Variants in PLPP1 observed in about 807,000 individuals in gnomAD.
PLPP1 encodes phospholipid phosphatase 1.
PLPP1 carries 24 observed loss-of-function variants against 31.2 expected under a neutral mutation model. The observed-to-expected ratio is 0.77, with a 90% confidence interval of 0.56 to 1.08. PLPP1 has a LOEUF of 1.08. PLPP1 is among the 50% of genes least tolerant of loss of function. The pLI is 0.00. For synonymous variants in PLPP1, 146 were observed against 126.3 expected, an observed-to-expected ratio of 1.16 and a Z score of -1.05; for missense variants, 319 against 342.7, an observed-to-expected ratio of 0.93 and a Z score of 0.55.
chr5:55,486,150 T>C (rs190506442), intron 1 of PLPP1, among the ~76,000 whole-genome samples: 3 of 152,216 alleles, frequency 2.0e-5, no homozygotes, highest in Non-Finnish European at 4.4e-5. Context: ...CTTTGATTTC[T>C]TAAGACTTAG....
chr5:55,508,789 A>T (rs901250904), intron 1 of PLPP1: 1 of 154,164 alleles, frequency 6.5e-6, no homozygotes, highest in Non-Finnish European at 1.5e-5. Flanking sequence ...AGGGGAAGTG[A>T]AGACCCAGGT....
intron 1 of PLPP1, among the ~76,000 whole-genome samples, chr5:55,483,401 C>G (rs960926478): frequency 6.6e-6 from 1 of 151,974 alleles, no homozygotes; most frequent in East Asian, 1.9e-4. Context: ...CTAGGTGCAG[C>G]GGCTCATGCC....
intron 1 of PLPP1, among the ~76,000 whole-genome samples, chr5:55,531,170 TCATTCTTTTTCCAAGAATTTAC>T (rs1579991249): frequency 6.6e-6 from 1 of 152,378 alleles, no homozygotes; most frequent in East Asian, 1.9e-4. Context: ...CTCAAAATTC[TCATTCTTTTTCCAAGAATTTAC>T]CATATCCACT....
chr5:55,516,475 ATC>A (rs1384504429), intron 1 of PLPP1, among the ~76,000 whole-genome samples: 1 of 152,174 alleles, frequency 6.6e-6, no homozygotes, highest in Non-Finnish European at 1.5e-5. Context: ...GATTACTTGT[ATC>A]TCTATTACCT....
At chr5:55,514,345 C>T (rs1005679426) in intron 1 of PLPP1, among the ~76,000 whole-genome samples, 4 of 151,704 alleles carry the variant, frequency 2.6e-5, no homozygotes, top group East Asian at 3.9e-4. Context: ...GTGATCACAC[C>T]ACTGCACTCC....
chr5:55,489,967 G>A (rs1053063889), intron 1 of PLPP1, among the ~76,000 whole-genome samples: 1 of 152,060 alleles, frequency 6.6e-6, no homozygotes, highest in African/African-American at 2.4e-5. Context: ...ATTTAGGAAT[G>A]AGAGCCAAGG....
chr5:55,534,845 A>C lies in PLPP1; in HGVS notation c.-216T>G. ...GGCCCTCCCCTCACAGCCCCCGCGA[A>C]CACTCGGTTAGTGCCGAGGCGCTCG... On this transcript the variant is annotated 5_prime_UTR_variant, in exon 1 of 6. Coordinates refer to ENST00000307259, the MANE Select transcript of PLPP1 (RefSeq NM_003711.4). 1.9e-6 allele frequency: 1 copy of C among 536,210 alleles called. No individual in the cohort carries two copies. Among genetic ancestry groups the C allele is most frequent in the Non-Finnish European group, 3.2e-6 (1 of 308,718 alleles). The allele number at this position is 536,210 out of a possible 1,614,324, so 33.2% of individuals were successfully genotyped here. A position where few individuals can be genotyped will look rare whatever the true frequency, so the allele number is the denominator to read the frequency against.
At chr5:55,474,828 A>C (rs1485918274) in intron 2 of PLPP1, among the ~76,000 whole-genome samples, 1 of 152,214 alleles carries the variant, frequency 6.6e-6, no homozygotes. Flanking sequence ...ACTATTGATC[A>C]CAAGATTATT....
chr5:55,457,686 C>A (rs183262396), intron 3 of PLPP1, among the ~76,000 whole-genome samples: 1 of 152,018 alleles, frequency 6.6e-6, no homozygotes, highest in Non-Finnish European at 1.5e-5. Context: ...GTCAGCAGTT[C>A]GAGACCAGCC....
intron 1 of PLPP1, among the ~76,000 whole-genome samples, chr5:55,480,630 T>A (rs1330943042): frequency 6.6e-6 from 1 of 152,232 alleles, no homozygotes; most frequent in Non-Finnish European, 1.5e-5. Context: ...TTTTGTTCCT[T>A]TTTATTAATG....
intron 4 of PLPP1, among the ~76,000 whole-genome samples, chr5:55,437,252 C>T (rs556463641): frequency 2.0e-5 from 3 of 152,246 alleles, no homozygotes; most frequent in South Asian, 2.1e-4. Flanking sequence ...AATAAATAAT[C>T]GTTGAACGAG....
At chr5:55,521,327 G>A (rs1753661735) in intron 1 of PLPP1, among the ~76,000 whole-genome samples, 1 of 141,846 alleles carries the variant, frequency 7.0e-6, no homozygotes, top group Admixed American at 7.5e-5. Flanking sequence ...ACACCAGCCT[G>A]GGTGACAGAG....
At chr5:55,448,415 C>A (rs182432843) in intron 3 of PLPP1, among the ~76,000 whole-genome samples, 2 of 149,704 alleles carry the variant, frequency 1.3e-5, no homozygotes, top group Non-Finnish European at 3.0e-5. Flanking sequence ...GCAACACTGC[C>A]GGAAACTCAA....
chr5:55,437,455 T>TTTTG (rs113346484), intron 4 of PLPP1, among the ~76,000 whole-genome samples: 129,373 of 148,976 alleles, frequency 0.87, 56,425 homozygotes, highest in South Asian at 0.92. Context: ...AAGGAGTTTT[T>TTTTG]TTTGTTTGTT....
chr5:55,512,725 C>T (rs201862288), intron 1 of PLPP1, among the ~76,000 whole-genome samples: 109 of 150,822 alleles, frequency 7.2e-4, no homozygotes, highest in African/African-American at 2.6e-3. Flanking sequence ...TTATAAACTA[C>T]ACACACACAC....
At chr5:55,528,558 G>A (rs1379474756) in intron 1 of PLPP1, among the ~76,000 whole-genome samples, 1 of 152,060 alleles carries the variant, frequency 6.6e-6, no homozygotes, top group Non-Finnish European at 1.5e-5. Context: ...TCCATTAATC[G>A]GCAGCCTAAT....
chr5:55,440,389 C>G (rs1195553206), intron 4 of PLPP1, among the ~76,000 whole-genome samples: 2 of 152,114 alleles, frequency 1.3e-5, no homozygotes, highest in Non-Finnish European at 2.9e-5. Context: ...CCCTGGTCCT[C>G]GTGCTCTAAT....
intron 1 of PLPP1, among the ~76,000 whole-genome samples, chr5:55,533,895 G>C (rs1452378061): frequency 6.6e-6 from 1 of 152,114 alleles, no homozygotes; most frequent in Non-Finnish European, 1.5e-5. Flanking sequence ...GAAATCTGCT[G>C]CAGCCAAAGA....
chr5:55,464,925 TTA>T (rs1242997691), intron 3 of PLPP1, among the ~76,000 whole-genome samples: 1 of 152,176 alleles, frequency 6.6e-6, no homozygotes, highest in Non-Finnish European at 1.5e-5. Context: ...GGGCAAAATT[TTA>T]TGTCATGTGA....
Sources: gnomAD v4.1 joint callset for allele counts (sites outside exome capture counted in the v4.1 genomes callset) on GRCh38, gnomAD v4.1.1 for gene constraint, MANE v1.5 for transcripts, NCBI Gene and HGNC (gene_info 2026-07-23, HGNC 2026-07-21) for gene names.